FLVCR2: variants seen among roughly 807,000 people sequenced by gnomAD.
The protein encoded by FLVCR2 is FLVCR choline and putative heme transporter 2, also known as choline/ethanolamine transporter FLVCR2.
In FLVCR2, 38 loss-of-function variants were observed where a neutral mutation model predicts 48.9. The ratio of observed to expected loss-of-function variants is 0.78; its 90% CI spans 0.60 to 1.02. FLVCR2 has a LOEUF of 1.02. Among genes scored for constraint, FLVCR2 ranks in the 50% least tolerant of loss-of-function variants. The pLI is 0.00. For missense variants in FLVCR2, 664 were observed against 663.3 expected, an observed-to-expected ratio of 1.00 and a Z score of -0.01; for synonymous variants, 255 against 257.0, an observed-to-expected ratio of 0.99 and a Z score of 0.07.
At position 75,579,199 on chromosome 14, in the gene FLVCR2, G is replaced by A; in HGVS notation, c.227G>A (p.Ser76Asn). 2 of 1,614,178 alleles carry A rather than the reference G, an allele frequency of 1.2e-6. No individual in the cohort carries two copies. The highest frequency in any genetic ancestry group is 1.7e-6 in the Non-Finnish European group (2 of 1,180,032). Residue 76 changes from serine to asparagine, a missense_variant, in exon 1 of 10, where the codon AGC becomes AAC. Transcript: ENST00000238667. ...HPSSSGPEDLSVIKVSRRRWA... is the reference protein window; with the variant it reads ...HPSSSGPEDLNVIKVSRRRWA... ...AGTAGCTCGGGCCCTGAGGACCTCA[G>A]CGTGATCAAGGTGAGCAGGCGCCGT...
chr14:75,617,999 A>T (rs1286050372), intron 1 of FLVCR2, among the ~76,000 whole-genome samples: 1 of 152,152 alleles, frequency 6.6e-6, no homozygotes, highest in Non-Finnish European at 1.5e-5. Flanking sequence ...GACAGAAAGG[A>T]GCTCAGTGTA....
intron 3 of FLVCR2, chr14:75,631,860 T>G (rs1433895900): frequency 2.2e-6 from 1 of 455,942 alleles, no homozygotes; most frequent in Non-Finnish European, 4.4e-6. Flanking sequence ...GAATGCTGCT[T>G]GAATGAGATG....
At chr14:75,595,142 C>T (rs554742135) in intron 1 of FLVCR2, among the ~76,000 whole-genome samples, 1 of 152,086 alleles carries the variant, frequency 6.6e-6, no homozygotes, top group Non-Finnish European at 1.5e-5. Context: ...TGTATTTAGC[C>T]CAATGTATCC....
In FLVCR2 at chr14:75,646,534, C is replaced by A; in HGVS notation, c.*62C>A. 8.4e-7 allele frequency: 1 copy of A among 1,184,880 alleles called. No homozygotes were observed. Among genetic ancestry groups the A allele is most frequent in the Non-Finnish European group, 1.3e-6 (1 of 791,502 alleles). The allele number at this position is 1,184,880 out of a possible 1,614,324, so 73.4% of individuals were successfully genotyped here. A position where few individuals can be genotyped will look rare whatever the true frequency, so the allele number is the denominator to read the frequency against. On this transcript the variant is annotated 3_prime_UTR_variant, in exon 10 of 10. Coordinates refer to ENST00000238667, the MANE Select transcript of FLVCR2 (RefSeq NM_017791.3). ...CCACCTTTTCCTTCAGCACAGCTCT[C>A]ACCGCCAGCACAAAGGGCTTCGCTA...
At chr14:75,615,917 C>G (rs1889600520) in intron 1 of FLVCR2, among the ~76,000 whole-genome samples, 1 of 145,406 alleles carries the variant, frequency 6.9e-6, no homozygotes. Context: ...ATCCCAGCTA[C>G]TCGGGAAGCT....
intron 4 of FLVCR2, 36 bp downstream of exon 4, chr14:75,633,732 T>G: frequency 6.6e-7 from 1 of 1,515,160 alleles, no homozygotes. Context: ...GGCCTCAAGA[T>G]GATATAGTTT....
intron 9 of FLVCR2, 147 bp from the exon 10 acceptor site, chr14:75,646,254 C>G (rs2140058783): frequency 3.0e-6 from 2 of 661,192 alleles, no homozygotes; most frequent in Non-Finnish European, 5.5e-6. Context: ...TGCTTCTTTT[C>G]TTGTTCTCTT....
At chr14:75,633,579 C>T (rs370436338) in intron 3 of FLVCR2, 50 bp from the exon 4 acceptor site, 2 of 1,441,798 alleles carry the variant, frequency 1.4e-6, no homozygotes, top group Admixed American at 1.7e-5. Context: ...TTAGCAATGG[C>T]CCCAGAAGAA....
chr14:75,622,119 T>C lies in FLVCR2; in HGVS notation c.710T>C (p.Val237Ala), dbSNP rs1484746989. 1.9e-6 allele frequency: 3 copies of C among 1,614,162 alleles called. No homozygotes were observed. Among genetic ancestry groups the C allele is most frequent in the Non-Finnish European group, 1.7e-6 (2 of 1,180,012 alleles). The change falls in exon 2 of 10, where the codon GTA becomes GCA. Residue 237 changes from valine (V) to alanine (A), a missense_variant. Physicochemically the swap from Val to Ala is moderately conservative, Grantham distance 64. Coordinates refer to ENST00000238667, the MANE Select transcript of FLVCR2 (RefSeq NM_017791.3). Reference protein sequence around the residue: ...AIGFLVPPVLVPNIEDRDELA... With the variant: ...AIGFLVPPVLAPNIEDRDELA... ...GGGTTCTTGGTCCCTCCTGTTTTGG[T>C]ACCCAACATTGAAGACCGGGACGAG... is the stretch of plus-strand genomic sequence containing the variant.
intron 1 of FLVCR2, among the ~76,000 whole-genome samples, chr14:75,581,901 G>A (rs1386766479): frequency 6.6e-6 from 1 of 152,226 alleles, no homozygotes; most frequent in African/African-American, 2.4e-5. Context: ...AACCCACATG[G>A]AAGAGGTTAT....
intron 1 of FLVCR2, among the ~76,000 whole-genome samples, chr14:75,612,556 T>C (rs1889487387): frequency 6.6e-6 from 1 of 152,180 alleles, no homozygotes; most frequent in African/African-American, 2.4e-5. Context: ...TGATCCCGAG[T>C]TGACCTTTTC....
intron 9 of FLVCR2, among the ~76,000 whole-genome samples, chr14:75,644,578 C>T (rs1389113033): frequency 6.6e-6 from 1 of 152,140 alleles, no homozygotes; most frequent in Non-Finnish European, 1.5e-5. Flanking sequence ...TGTCTTGTGT[C>T]CCTGGATAAT....
chr14:75,634,853 C>A, intron 4 of FLVCR2, 57 bp from the exon 5 acceptor site: 2 of 1,170,180 alleles, frequency 1.7e-6, no homozygotes, highest in Non-Finnish European at 2.6e-6. Flanking sequence ...GGTGACTGTG[C>A]TCTGTCCTGG....
At chr14:75,625,126 CTG>C (rs1889866097) in intron 3 of FLVCR2, among the ~76,000 whole-genome samples, 1 of 152,176 alleles carries the variant, frequency 6.6e-6, no homozygotes, top group African/African-American at 2.4e-5. Context: ...ACTGAACTCT[CTG>C]AGTGTGGATT....
intron 5 of FLVCR2, among the ~76,000 whole-genome samples, chr14:75,637,728 CAAA>C (rs59847223): frequency 5.9e-5 from 5 of 84,036 alleles, no homozygotes; most frequent in African/African-American, 3.6e-5. Context: ...GACTCCATCT[CAAA>C]AAAAAAAAAA....
chr14:75,622,853 T>C (rs984521956), intron 2 of FLVCR2, among the ~76,000 whole-genome samples: 16 of 152,144 alleles, frequency 1.1e-4, no homozygotes, highest in African/African-American at 3.9e-4. Flanking sequence ...TAACATATGC[T>C]TATTATAGAA....
chr14:75,579,063 C>T lies in FLVCR2; in HGVS notation c.91C>T (p.Pro31Ser). 6.2e-7 allele frequency: 1 copy of T among 1,612,936 alleles called. No individual in the cohort carries two copies. Among genetic ancestry groups the T allele is most frequent in the Non-Finnish European group, 8.5e-7 (1 of 1,179,368 alleles). The change falls in exon 1 of 10, where the codon CCC (proline) becomes TCC (serine). Residue 31 changes from proline (P) to serine (S), a missense_variant. By Grantham distance (74) the Pro-to-Ser change is moderately conservative (BLOSUM62 -1). Coordinates refer to ENST00000238667, the MANE Select transcript of FLVCR2 (RefSeq NM_017791.3). ...AGCGGACCCCAGCGTCTCGGTCCAT[C>T]CCAGCGTCTCGGTCCATCCCAGCGT... ...LQADPSVSVH[P>S]SVSVHPSVSI...
intron 9 of FLVCR2, among the ~76,000 whole-genome samples, chr14:75,645,747 G>C (rs1335796349): frequency 2.6e-5 from 4 of 151,990 alleles, no homozygotes; most frequent in Admixed American, 2.6e-4. Context: ...GTGAAAACCT[G>C]TTTGTACTAA....
At chr14:75,618,337 G>T (rs940155904) in intron 1 of FLVCR2, among the ~76,000 whole-genome samples, 1 of 152,128 alleles carries the variant, frequency 6.6e-6, no homozygotes, top group Admixed American at 6.5e-5. Flanking sequence ...ATAAAAACGG[G>T]GTTGGTACTG....
Sources: gnomAD v4.1 joint callset for allele counts (sites outside exome capture counted in the v4.1 genomes callset) on GRCh38, gnomAD v4.1.1 for gene constraint, MANE v1.5 for transcripts, NCBI Gene and HGNC (gene_info 2026-07-23, HGNC 2026-07-21) for gene names.